The following ZNF207 variants were observed in gnomAD, a reference collection of about 807,000 sequenced individuals.
The protein encoded by ZNF207 is zinc finger protein 207.
ZNF207 carries 24 observed loss-of-function variants against 60.2 expected under a neutral mutation model. That is an observed-to-expected ratio of 0.40 (90% CI 0.29 to 0.56). The LOEUF is 0.56. ZNF207 is among the 20% of genes least tolerant of loss of function. The pLI, the probability that ZNF207 is intolerant of heterozygous loss-of-function variation, is 0.49. For missense variants in ZNF207, 452 were observed against 636.6 expected (o/e 0.71, Z 3.12); for synonymous variants, 236 against 194.7 (o/e 1.21, Z -1.77).
chr17:32,360,943 C>A lies in ZNF207; in HGVS notation c.527C>A (p.Pro176Gln), dbSNP rs1199701476. 6.2e-7 allele frequency: 1 copy of A among 1,613,590 alleles called. No homozygotes were observed. The highest frequency in any genetic ancestry group is 2.2e-5 in the East Asian group (1 of 44,890). The change falls in exon 5 of 12, where the codon CCA (proline) becomes CAA (glutamine). Residue 176 changes from proline (P) to glutamine (Q), a missense_variant. Physicochemically the swap from Pro to Gln is moderately conservative, Grantham distance 76. Coordinates refer to ENST00000394670, the MANE Select transcript of ZNF207 (RefSeq NM_001098507.2). ...GVPPLMPGMP[P>Q]VMPGMPPGLH... ...CCTCCTCTGATGCCAGGAATGCCAC[C>A]AGTTATGCCAGGCATGCCACCTGGG...
intron 5 of ZNF207, 152 bp from the exon 6 acceptor site, chr17:32,361,316 T>C: frequency 1.7e-6 from 1 of 603,346 alleles, no homozygotes; most frequent in South Asian, 2.7e-5. Context: ...AAATGATTTA[T>C]TTGTCAAAGC....
chr17:32,369,257 A>G lies in ZNF207; in HGVS notation c.1165-38A>G, dbSNP rs201091676. ...GCCTTTATGCTTGGTGAGCCTCTGCATTCGAGTATTTAGCCCTGCGCTTAT... is the reference window on the plus strand; with the variant it reads ...GCCTTTATGCTTGGTGAGCCTCTGCGTTCGAGTATTTAGCCCTGCGCTTAT... On this transcript the variant is annotated intron_variant, in intron 10 of 11. Coordinates refer to ENST00000394670, the MANE Select transcript of ZNF207 (RefSeq NM_001098507.2). 2.6e-3 allele frequency: 4,086 copies of G among 1,599,930 alleles called. 6 individuals carry two copies. Among genetic ancestry groups the G allele is most frequent in the Non-Finnish European group, 3.1e-3 (3,571 of 1,169,832 alleles).
Position 32,369,433 on chromosome 17 carries a change from A to G in ZNF207, c.1303A>G (p.Arg435Gly). Reference protein sequence around the residue: ...QPGIPQQQGMRPPMPPHGQYG... With the variant: ...QPGIPQQQGMGPPMPPHGQYG... ...AGGCATCCCACAGCAACAAGGAATGAGACCCCCAATGCCACCTCATGGTAT... is the reference window on the plus strand; with the variant it reads ...AGGCATCCCACAGCAACAAGGAATGGGACCCCCAATGCCACCTCATGGTAT... The change falls in exon 11 of 12, where the codon AGA (arginine) becomes GGA (glycine). Residue 435 changes from arginine to glycine, a missense_variant. By Grantham distance (125) the Arg-to-Gly change is moderately radical. Transcript: ENST00000394670. 3.1e-6 allele frequency: 5 copies of G among 1,614,182 alleles called. No individual in the cohort carries two copies. Among genetic ancestry groups the G allele is most frequent in the Non-Finnish European group, 4.2e-6 (5 of 1,180,020 alleles).
At chr17:32,360,176 A>ACCCC (rs34129815) in intron 3 of ZNF207, among the ~76,000 whole-genome samples, 5 of 58,976 alleles carry the variant, frequency 8.5e-5, no homozygotes, top group African/African-American at 2.2e-4. Flanking sequence ...CCTCACCTTT[A>ACCCC]CCCCCCCCCC....
chr17:32,367,239 T>TTATATATA (rs10525886), intron 9 of ZNF207, among the ~76,000 whole-genome samples: 498 of 32,034 alleles, frequency 0.016, 11 homozygotes, highest in Non-Finnish European at 0.021. Flanking sequence ...TTGGAGGGGA[T>TTATATATA]TATATATATA....
chr17:32,360,512 C>A, intron 3 of ZNF207, 86 bp from the exon 4 acceptor site: 1 of 1,264,864 alleles, frequency 7.9e-7, no homozygotes. Flanking sequence ...AGTAATTTTA[C>A]CCATATATGT....
chr17:32,360,556 C>T (rs996581742), intron 3 of ZNF207, 42 bp from the exon 4 acceptor site: 1 of 1,529,784 alleles, frequency 6.5e-7, no homozygotes, highest in African/African-American at 1.4e-5. Flanking sequence ...AATAAACTTT[C>T]TTAGTTTTTA....
chr17:32,374,215 T>TC lies in ZNF207; in HGVS notation c.*4456_*4457insC. Reference sequence around the variant, plus strand: ...GCGCCTGGCCAAAATCTGCATTCTTTTTTTTTTTTTTTTTTTTTTTTTGAG... The same window carrying TC: ...GCGCCTGGCCAAAATCTGCATTCTTTCTTTTTTTTTTTTTTTTTTTTTTGAG... On this transcript the variant is annotated 3_prime_UTR_variant, in exon 12 of 12. Coordinates refer to ENST00000394670, the MANE Select transcript of ZNF207 (RefSeq NM_001098507.2). The TC allele has an allele frequency of 1.5e-5, 1 of 65,036 alleles. No individual in the cohort carries two copies. Among genetic ancestry groups the TC allele is most frequent in the South Asian group, 5.2e-4 (1 of 1,924 alleles). 4.0% of individuals were successfully genotyped at this position (65,036 alleles called of 1,614,324 possible).
chr17:32,360,458 T>A, intron 3 of ZNF207, 140 bp from the exon 4 acceptor site: 1 of 740,070 alleles, frequency 1.4e-6, no homozygotes, highest in Non-Finnish European at 2.1e-6. Flanking sequence ...TTGAAGAACA[T>A]AGAGCAGTAT....
Position 32,381,355 on chromosome 17 carries a change from C to T in ZNF207, c.*11596C>T, listed in dbSNP as rs373949130. 4 of 152,276 alleles carry T rather than the reference C, an allele frequency of 2.6e-5. No homozygotes were observed. The highest frequency in any genetic ancestry group is 4.4e-5 in the Non-Finnish European group (3 of 68,032). The allele number at this position is 152,276 out of a possible 1,614,324, so 9.4% of individuals were successfully genotyped here. On this transcript the variant is annotated 3_prime_UTR_variant, in exon 12 of 12. Transcript: ENST00000394670. ...GGTCTAAAGAAAAATCATGACTGAT[C>T]GCATAATTTTTAATGTAAGTAAATG...
intron 1 of ZNF207, chr17:32,351,583 G>A: frequency 2.0e-6 from 3 of 1,534,392 alleles, no homozygotes; most frequent in Non-Finnish European, 2.6e-6. Context: ...GGGTGGTGAA[G>A]AGAGCTGGCC....
intron 2 of ZNF207, among the ~76,000 whole-genome samples, chr17:32,355,562 A>G (rs537460971): frequency 6.6e-6 from 1 of 152,322 alleles, no homozygotes; most frequent in African/African-American, 2.4e-5. Flanking sequence ...TCAGGAGTTC[A>G]TAGAAATTAA....
intron 2 of ZNF207, among the ~76,000 whole-genome samples, chr17:32,355,338 G>T (rs958918056): frequency 2.0e-5 from 3 of 152,184 alleles, no homozygotes; most frequent in Admixed American, 2.0e-4. Context: ...GCAGTGAGCC[G>T]TGATAGCACT....
At position 32,373,199 on chromosome 17, in the gene ZNF207, T is replaced by C. The variant is rs1178728941; in HGVS notation, c.*3440T>C. 9.2e-6 allele frequency: 3 copies of C among 325,022 alleles called. No homozygotes were observed. 20.1% of individuals were successfully genotyped at this position (325,022 alleles called of 1,614,324 possible). A position where few individuals can be genotyped will look rare whatever the true frequency, so the allele number is the denominator to read the frequency against. ...GAACTTAGACTCACCTTAATTAAAC[T>C]TAATTAATTGGGGAGGGGGATTCCC... On this transcript the variant is annotated 3_prime_UTR_variant, in exon 12 of 12. Coordinates refer to ENST00000394670, the MANE Select transcript of ZNF207 (RefSeq NM_001098507.2).
At chr17:32,362,790 T>C (rs1235859756) in intron 6 of ZNF207, 124 bp from the exon 7 acceptor site, 2 of 641,934 alleles carry the variant, frequency 3.1e-6, no homozygotes, top group East Asian at 2.9e-5. Flanking sequence ...CTTTGATTCA[T>C]TTCAGTATTA....
intron 10 of ZNF207, 90 bp downstream of exon 10, chr17:32,368,104 A>G: frequency 1.3e-6 from 2 of 1,543,666 alleles, no homozygotes; most frequent in African/African-American, 1.4e-5. Context: ...ATTTGTACTC[A>G]GATGGTCTGT....
rs777347862 is a variant in ZNF207, at chr17:32,358,664, TTTTA to T, written c.307+35_307+38del. The T allele has an allele frequency of 3.5e-5, 49 of 1,403,590 alleles. No homozygotes were observed. The African/African-American group carries it at 4.1e-4, about 12-fold the overall frequency. The allele number at this position is 1,403,590 out of a possible 1,614,324, so 86.9% of individuals were successfully genotyped here. A position where few individuals can be genotyped will look rare whatever the true frequency, so the allele number is the denominator to read the frequency against. On this transcript the variant is annotated intron_variant, in intron 3 of 11. Coordinates refer to ENST00000394670, the MANE Select transcript of ZNF207 (RefSeq NM_001098507.2). ...AAGGTAAATATTGGGATAAGTTTTATTTTATTTATTTATTTTTTTTAATTTTTTT... is the reference window on the plus strand; with the variant it reads ...AAGGTAAATATTGGGATAAGTTTTATTTTATTTATTTTTTTTAATTTTTTT...
At chr17:32,358,759 C>G (rs2150792671) in intron 3 of ZNF207, 118 bp downstream of exon 3, 1 of 719,496 alleles carries the variant, frequency 1.4e-6, no homozygotes, top group Non-Finnish European at 2.0e-6. Context: ...TCTGGGCTCT[C>G]TGCATCTTCT....
Position 32,367,788 on chromosome 17 carries a change from A to C in ZNF207, c.938A>C (p.Gln313Pro). 1 of 1,614,150 alleles carries C rather than the reference A, an allele frequency of 6.2e-7. No individual in the cohort carries two copies. Among genetic ancestry groups the C allele is most frequent in the East Asian group, 2.2e-5 (1 of 44,870 alleles). ...ATTTTACAGGCTCAGGCAGCTGTCC[A>C]AGGACCTGTTGGTACAGATTTCAAA... Reference protein sequence around the residue: ...PSTAQAQAAVQGPVGTDFKPL... With the variant: ...PSTAQAQAAVPGPVGTDFKPL... The change falls in exon 10 of 12, where the codon CAA becomes CCA. Residue 313 changes from glutamine to proline, a missense_variant. By Grantham distance (76) the Gln-to-Pro change is moderately conservative. Coordinates refer to ENST00000394670, the MANE Select transcript of ZNF207 (RefSeq NM_001098507.2).
Sources: allele counts gnomAD v4.1 joint callset (sites outside exome capture counted in the v4.1 genomes callset), GRCh38; gene constraint gnomAD v4.1.1; transcripts MANE v1.5; gene names NCBI Gene and HGNC (gene_info 2026-07-23, HGNC 2026-07-21).